MTOR: variants seen among roughly 807,000 people sequenced by gnomAD.
The protein encoded by MTOR is mechanistic target of rapamycin kinase.
MTOR carries 70 observed loss-of-function variants against 319.8 expected under a neutral mutation model. The ratio of observed to expected loss-of-function variants is 0.22; its 90% confidence interval spans 0.18 to 0.27. The LOEUF is 0.27. Among genes scored for constraint, MTOR ranks in the 10% least tolerant of loss-of-function variants. The pLI is 1.00. For missense variants in MTOR, 1,890 were observed against 3,274.4 expected (o/e 0.58, Z 10.32); for synonymous variants, 1,183 against 1,211.4 (o/e 0.98, Z 0.49).
intron 51 of MTOR, 72 bp from the exon 52 acceptor site, chr1:11,114,959 G>T: frequency 1.5e-6 from 2 of 1,300,768 alleles, no homozygotes; most frequent in Non-Finnish European, 2.2e-6. Flanking sequence ...GGAGCAGGTG[G>T]CTTTCCTCTG....
chr1:11,128,390 C>T lies in MTOR; in HGVS notation c.5910+64G>A. 6.5e-7 allele frequency: 1 copy of T among 1,541,740 alleles called. No individual in the cohort carries two copies. The highest frequency in any genetic ancestry group is 9.0e-7 in the Non-Finnish European group (1 of 1,116,426). ...TCCTGCGCTTGTGTCGCCAGGGCAG[C>T]TTTTGGAAAGGCTGACCACCAAACC... On this transcript the variant is annotated intron_variant, in intron 42 of 57. Coordinates refer to ENST00000361445, the MANE Select transcript of MTOR (RefSeq NM_004958.4). This position sits in a 1 kb window ranked among gnomAD's most constrained non-coding sequence, Gnocchi z 5.3.
intron 26 of MTOR, among the ~76,000 whole-genome samples, chr1:11,202,050 C>G (rs1255210498): frequency 6.6e-6 from 1 of 152,192 alleles, no homozygotes; most frequent in Non-Finnish European, 1.5e-5. Flanking sequence ...AAGTGATCCT[C>G]CTGTCTCAGC....
intron 36 of MTOR, among the ~76,000 whole-genome samples, chr1:11,138,430 C>G (rs1278991414): frequency 6.6e-6 from 1 of 152,248 alleles, no homozygotes. Flanking sequence ...TGATCCCACT[C>G]TGGGTGGTAT....
intron 28 of MTOR, among the ~76,000 whole-genome samples, chr1:11,170,188 A>G (rs1344580378): frequency 6.6e-6 from 1 of 152,168 alleles, no homozygotes; most frequent in African/African-American, 2.4e-5. Context: ...GAAGCCCTAT[A>G]TGAGGTTTTC....
At chr1:11,240,149 C>A (rs142492656) in intron 11 of MTOR, among the ~76,000 whole-genome samples, 154 bp downstream of exon 11, 2 of 152,164 alleles carry the variant, frequency 1.3e-5, no homozygotes, top group African/African-American at 4.8e-5. Flanking sequence ...ATTACCAATA[C>A]GTGGAAAGAG....
intron 20 of MTOR, 110 bp from the exon 21 acceptor site, chr1:11,213,676 G>T: frequency 1.9e-6 from 2 of 1,031,704 alleles, no homozygotes; most frequent in Admixed American, 2.2e-5. Context: ...CATGGTCTGC[G>T]CCGAGATCAA....
chr1:11,252,798 C>G (rs530838997), intron 6 of MTOR, among the ~76,000 whole-genome samples: 1 of 152,314 alleles, frequency 6.6e-6, no homozygotes, highest in East Asian at 1.9e-4. Flanking sequence ...CAAATATATC[C>G]TGAATCAACT....
chr1:11,142,421 T>G (rs1643757109), intron 34 of MTOR, among the ~76,000 whole-genome samples: 1 of 152,156 alleles, frequency 6.6e-6, no homozygotes, highest in East Asian at 1.9e-4. Context: ...CCCAAGGAGC[T>G]GGGATTACAG....
intron 19 of MTOR, among the ~76,000 whole-genome samples, chr1:11,221,114 T>C (rs2100824551): frequency 6.6e-6 from 1 of 151,962 alleles, no homozygotes; most frequent in East Asian, 1.9e-4. Flanking sequence ...CCTGCCTCAG[T>C]CTCCTGAGTA....
chr1:11,157,578 G>C (rs1360549410), intron 29 of MTOR, among the ~76,000 whole-genome samples: 1 of 152,158 alleles, frequency 6.6e-6, no homozygotes, highest in African/African-American at 2.4e-5. Context: ...AGACACATGG[G>C]TCATCAGAAC....
Position 11,117,070 on chromosome 1 carries a change from C to T in MTOR, c.6950G>A (p.Arg2317Lys). The change falls in exon 50 of 58, where the codon AGA becomes AAA. Residue 2317 changes from arginine (R) to lysine (K), a missense_variant. This residue lies in a region of MTOR where 249 missense variants were observed against 596.2 expected (regional missense o/e 0.42). Coordinates refer to ENST00000361445, the MANE Select transcript of MTOR (RefSeq NM_004958.4). ...SPSSEVWFDR[R>K]TNYTRSLAVM... is the part of the protein sequence containing the mutation. ...CGCTAAAGAACGGGTATAATTGGTT[C>T]TTCGGTCAAACCACACCTAGAACAC... The T allele has an allele frequency of 1.2e-6, 2 of 1,612,872 alleles. No individual in the cohort carries two copies. The highest frequency in any genetic ancestry group is 1.7e-6 in the Non-Finnish European group (2 of 1,179,754).
At chr1:11,219,434 A>G (rs1283371900) in intron 19 of MTOR, among the ~76,000 whole-genome samples, 2 of 152,164 alleles carry the variant, frequency 1.3e-5, no homozygotes, top group Non-Finnish European at 1.5e-5. Flanking sequence ...ATTTTCACTA[A>G]CTGTGTGGCC....
intron 28 of MTOR, among the ~76,000 whole-genome samples, chr1:11,173,331 T>C (rs1172354873): frequency 1.3e-5 from 2 of 151,934 alleles, no homozygotes; most frequent in Non-Finnish European, 2.9e-5. Context: ...GGTTCTGTTA[T>C]CCAAGGTGGG....
chr1:11,193,858 C>A, intron 28 of MTOR: 1 of 1,346,762 alleles, frequency 7.4e-7, no homozygotes. Context: ...CATTCCTATT[C>A]TGATTCAAGA....
At chr1:11,239,834 G>A (rs980601627) in intron 11 of MTOR, among the ~76,000 whole-genome samples, 6 of 151,320 alleles carry the variant, frequency 4.0e-5, no homozygotes, top group Admixed American at 3.3e-4. Flanking sequence ...GAACCCAGGA[G>A]GCAGAGGTTG....
chr1:11,221,419 T>C (rs751623767), intron 19 of MTOR, among the ~76,000 whole-genome samples: 1 of 152,150 alleles, frequency 6.6e-6, no homozygotes. Flanking sequence ...AGTCTTAAAC[T>C]ACATTTAGTC....
At chr1:11,171,194 C>G (rs1281198313) in intron 28 of MTOR, among the ~76,000 whole-genome samples, 1 of 122,598 alleles carries the variant, frequency 8.2e-6, no homozygotes, top group Non-Finnish European at 1.7e-5. Flanking sequence ...GACTCTATCT[C>G]AAAAAAAAAA....
At chr1:11,118,228 A>ATTTTTTTT (rs771785403) in intron 49 of MTOR, among the ~76,000 whole-genome samples, 4 of 120,768 alleles carry the variant, frequency 3.3e-5, no homozygotes, top group African/African-American at 1.2e-4. Flanking sequence ...AACTTAGTTA[A>ATTTTTTTT]TTTTTTTTTT....
chr1:11,257,948 GA>G (rs1350931130), intron 3 of MTOR, among the ~76,000 whole-genome samples: 1 of 151,718 alleles, frequency 6.6e-6, no homozygotes, highest in African/African-American at 2.4e-5. Context: ...TGTCTCTACT[GA>G]AAATACAAAC....
Sources: allele counts gnomAD v4.1 joint callset (sites outside exome capture counted in the v4.1 genomes callset), GRCh38; gene constraint gnomAD v4.1.1; regional missense constraint gnomAD v4.1.1; non-coding constraint Gnocchi (gnomAD v3.1); transcripts MANE v1.5; gene names NCBI Gene and HGNC (gene_info 2026-07-23, HGNC 2026-07-21).